The following BRAF variants were observed in gnomAD, a reference collection of about 807,000 sequenced individuals.
The protein encoded by BRAF is B-Raf proto-oncogene, serine/threonine kinase.
In BRAF, 16 loss-of-function variants were observed where a neutral mutation model predicts 104.6. The observed-to-expected ratio is 0.15, with a 90% confidence interval of 0.10 to 0.23. The LOEUF is 0.23. Ranked by LOEUF, BRAF falls within the 10% of genes least tolerant of loss-of-function variation. The pLI is 1.00. For missense variants in BRAF, 541 were observed against 937.3 expected, an observed-to-expected ratio of 0.58 and a Z score of 5.52; for synonymous variants, 310 against 341.6, an observed-to-expected ratio of 0.91 and a Z score of 1.02.
intron 1 of BRAF, among the ~76,000 whole-genome samples, chr7:140,873,544 T>G (rs1221198100): frequency 2.6e-5 from 4 of 152,178 alleles, no homozygotes; most frequent in Non-Finnish European, 5.9e-5. Context: ...TCTGTTGGCA[T>G]GTGTTCAGCT....
intron 16 of BRAF, among the ~76,000 whole-genome samples, chr7:140,751,596 T>G (rs1037451344): frequency 2.0e-5 from 3 of 152,184 alleles, no homozygotes; most frequent in Admixed American, 6.5e-5. Flanking sequence ...AACTCAACAT[T>G]TCAGATGTAG....
chr7:140,775,192 A>G (rs1228339704), intron 14 of BRAF, among the ~76,000 whole-genome samples: 3 of 152,172 alleles, frequency 2.0e-5, no homozygotes, highest in Non-Finnish European at 4.4e-5. Flanking sequence ...TGTATCCTAA[A>G]GAGAATATAA....
intron 2 of BRAF, among the ~76,000 whole-genome samples, chr7:140,839,478 C>T (rs980558480): frequency 6.6e-6 from 1 of 152,006 alleles, no homozygotes; most frequent in South Asian, 2.1e-4. Context: ...ACCAGTAATC[C>T]CAGTACTTTG....
At chr7:140,739,519 TGGG>T (rs11360482) in intron 18 of BRAF, among the ~76,000 whole-genome samples, 3 of 135,228 alleles carry the variant, frequency 2.2e-5, no homozygotes, top group African/African-American at 5.0e-5. Flanking sequence ...AAGCTCTTTG[TGGG>T]GGGGGGGGTC....
At chr7:140,753,956 T>C in intron 15 of BRAF, 1 of 570,520 alleles carries the variant, frequency 1.8e-6, no homozygotes, top group Non-Finnish European at 3.1e-6. Context: ...CAAAAACTCC[T>C]ACTATTGTAA....
At chr7:140,726,535 A>G (rs1260575826) in intron 19 of BRAF, 4 of 1,529,108 alleles carry the variant, frequency 2.6e-6, no homozygotes, top group Non-Finnish European at 3.5e-6. Flanking sequence ...GGAGGACAAG[A>G]GCTAATTTTA....
intron 3 of BRAF, among the ~76,000 whole-genome samples, chr7:140,819,999 A>AT (rs1805305179): frequency 6.6e-6 from 1 of 152,158 alleles, no homozygotes; most frequent in African/African-American, 2.4e-5. Context: ...ATCAAATAAA[A>AT]TTTTTTTAAA....
At chr7:140,752,379 A>G (rs1244608351) in intron 16 of BRAF, among the ~76,000 whole-genome samples, 2 of 152,098 alleles carry the variant, frequency 1.3e-5, no homozygotes, top group Non-Finnish European at 2.9e-5. Flanking sequence ...CTGGATTCTC[A>G]TATTTGCTTT....
At chr7:140,815,432 A>ACTGCAACTGGCC (rs1804771498) in intron 3 of BRAF, among the ~76,000 whole-genome samples, 1 of 111,874 alleles carries the variant, frequency 8.9e-6, no homozygotes, top group Non-Finnish European at 1.8e-5. Context: ...GGTGTGAGCC[A>ACTGCAACTGGCC]TTTTTTTTTT....
chr7:140,906,044 C>T (rs1199769771), intron 1 of BRAF, among the ~76,000 whole-genome samples: 3 of 135,084 alleles, frequency 2.2e-5, no homozygotes, highest in African/African-American at 5.9e-5. Flanking sequence ...GCCGAGATCC[C>T]GCCACTGCAC....
chr7:140,842,507 G>A (rs1370000655), intron 2 of BRAF, among the ~76,000 whole-genome samples: 1 of 152,130 alleles, frequency 6.6e-6, no homozygotes, highest in African/African-American at 2.4e-5. Context: ...TGATTACAGA[G>A]ACAGTATCCC....
chr7:140,724,732 G>C lies in BRAF; in HGVS notation c.*1762C>G. 2 of 1,033,526 alleles carry C rather than the reference G, an allele frequency of 1.9e-6. No homozygotes were observed. The highest frequency in any genetic ancestry group is 2.3e-6 in the Non-Finnish European group (2 of 859,210). The allele number at this position is 1,033,526 out of a possible 1,614,324, so 64.0% of individuals were successfully genotyped here. A position where few individuals can be genotyped will look rare whatever the true frequency, so the allele number is the denominator to read the frequency against. The stretch of plus-strand genomic sequence containing the variant: ...TTTAAATAACAATTTCTAATTCCTT[G>C]ATTTATTCTGGGTCTTGTTTAATTT... On this transcript the variant is annotated 3_prime_UTR_variant, in exon 20 of 20. Coordinates refer to ENST00000644969, the MANE Select transcript of BRAF (RefSeq NM_001374258.1).
In BRAF at chr7:140,720,924, A is replaced by G. The variant is rs1795290163; in HGVS notation, c.*5570T>C. 9.4e-7 allele frequency: 1 copy of G among 1,065,858 alleles called. No homozygotes were observed. The highest frequency in any genetic ancestry group is 1.6e-5 in the African/African-American group (1 of 61,240). 66.0% of individuals were successfully genotyped at this position (1,065,858 alleles called of 1,614,324 possible). ...AAATTTTCTGCCAACTCTCCCGCAT[A>G]TGTGCTGTACATGAGAACCAGCGGT... is the stretch of plus-strand genomic sequence containing the variant. On this transcript the variant is annotated 3_prime_UTR_variant, in exon 20 of 20. Transcript: ENST00000644969.
intron 2 of BRAF, among the ~76,000 whole-genome samples, chr7:140,840,966 C>CA (rs1337313848): frequency 6.6e-6 from 1 of 151,958 alleles, no homozygotes; most frequent in Non-Finnish European, 1.5e-5. Flanking sequence ...CCATCCACCT[C>CA]AGCCTCCCAA....
chr7:140,743,345 T>G (rs975993786), intron 17 of BRAF, among the ~76,000 whole-genome samples: 11 of 151,950 alleles, frequency 7.2e-5, no homozygotes, highest in Non-Finnish European at 1.5e-4. Context: ...AATGATAGAC[T>G]GGATTAAGAA....
intron 2 of BRAF, among the ~76,000 whole-genome samples, chr7:140,838,519 T>C (rs1249964840): frequency 6.6e-6 from 1 of 152,142 alleles, no homozygotes; most frequent in Admixed American, 6.6e-5. Context: ...CTTAATATCA[T>C]TAAAATGACA....
chr7:140,770,281 A>G (rs1799712726), intron 14 of BRAF, among the ~76,000 whole-genome samples: 2 of 152,164 alleles, frequency 1.3e-5, no homozygotes, highest in Non-Finnish European at 2.9e-5. Context: ...AGCTTTAATT[A>G]GTCCTTCTAT....
intron 19 of BRAF, chr7:140,731,643 G>C (rs1795972475): frequency 1.3e-5 from 2 of 152,082 alleles, no homozygotes; most frequent in Non-Finnish European, 2.9e-5. Context: ...TTAGAGTTTA[G>C]TATCTAAATG....
At chr7:140,815,595 G>A (rs1039479537) in intron 3 of BRAF, among the ~76,000 whole-genome samples, 7 of 151,228 alleles carry the variant, frequency 4.6e-5, no homozygotes, top group African/African-American at 1.7e-4. Flanking sequence ...CAGCAAGCCC[G>A]GCTAATTTTT....
Sources: allele counts gnomAD v4.1 joint callset (sites outside exome capture counted in the v4.1 genomes callset), GRCh38; gene constraint gnomAD v4.1.1; transcripts MANE v1.5; gene names NCBI Gene and HGNC (gene_info 2026-07-23, HGNC 2026-07-21).